SLC39A11: variants seen among roughly 807,000 people sequenced by gnomAD.
The protein encoded by SLC39A11 is zinc transporter ZIP11.
SLC39A11 carries 33 observed loss-of-function variants against 36.1 expected under a neutral mutation model. The ratio of observed to expected loss-of-function variants is 0.91; its 90% CI spans 0.69 to 1.22. The LOEUF (loss-of-function observed/expected upper bound fraction) is 1.22. Among genes scored for constraint, SLC39A11 ranks in the 50% most tolerant of loss-of-function variants. SLC39A11 has a pLI of 0.00. For synonymous variants in SLC39A11, 166 were observed against 170.3 expected (o/e 0.97, Z 0.20); for missense variants, 432 against 430.3 (o/e 1.00, Z -0.03).
At chr17:73,054,234 T>C (rs1223406507) in intron 3 of SLC39A11, among the ~76,000 whole-genome samples, 2 of 152,038 alleles carry the variant, frequency 1.3e-5, no homozygotes, top group African/African-American at 2.4e-5. Context: ...TGGTAGCGCA[T>C]GCCTGTAGTC....
intron 7 of SLC39A11, among the ~76,000 whole-genome samples, chr17:72,656,460 G>A (rs1202764805): frequency 6.6e-6 from 1 of 152,152 alleles, no homozygotes; most frequent in Admixed American, 6.5e-5. Flanking sequence ...GAAGGGCCAG[G>A]AGAGGGGCAT....
intron 7 of SLC39A11, among the ~76,000 whole-genome samples, 163 bp downstream of exon 7, chr17:72,736,487 C>A (rs1438624442): frequency 2.0e-5 from 3 of 152,198 alleles, no homozygotes. Context: ...ACTCCTCTCT[C>A]AGGGATGGCC....
chr17:72,845,611 A>G (rs1598968838), intron 6 of SLC39A11, among the ~76,000 whole-genome samples: 1 of 152,210 alleles, frequency 6.6e-6, no homozygotes, highest in Admixed American at 6.5e-5. Flanking sequence ...ACAATATAAA[A>G]TTCATTTATT....
chr17:72,890,485 G>C (rs990078771), intron 5 of SLC39A11, among the ~76,000 whole-genome samples: 2 of 152,166 alleles, frequency 1.3e-5, no homozygotes, highest in Admixed American at 1.3e-4. Context: ...AAATGATGCT[G>C]AGGTTCCTGG....
intron 4 of SLC39A11, among the ~76,000 whole-genome samples, chr17:72,949,410 C>T (rs905805322): frequency 6.6e-6 from 1 of 151,852 alleles, no homozygotes; most frequent in Non-Finnish European, 1.5e-5. Context: ...ATCCACCTGC[C>T]TCGGCCTCCC....
At chr17:73,002,007 C>G (rs1469847182) in intron 4 of SLC39A11, among the ~76,000 whole-genome samples, 2 of 152,134 alleles carry the variant, frequency 1.3e-5, no homozygotes, top group East Asian at 3.9e-4. Flanking sequence ...ACTGAAATAA[C>G]AACAGCATCA....
chr17:72,862,359 A>C (rs1291443350), intron 5 of SLC39A11, among the ~76,000 whole-genome samples: 2 of 152,210 alleles, frequency 1.3e-5, no homozygotes, highest in African/African-American at 4.8e-5. Context: ...GAAAAAAATA[A>C]ATCAGAAATC....
intron 3 of SLC39A11, among the ~76,000 whole-genome samples, chr17:73,079,564 C>T (rs1031275235): frequency 6.6e-6 from 1 of 152,164 alleles, no homozygotes; most frequent in Non-Finnish European, 1.5e-5. Flanking sequence ...AAGTTGAAAG[C>T]ATTCCCCCTG....
intron 5 of SLC39A11, among the ~76,000 whole-genome samples, chr17:72,901,330 T>C (rs928108799): frequency 2.0e-5 from 3 of 152,216 alleles, no homozygotes; most frequent in East Asian, 3.9e-4. Context: ...ATAGTCAGTG[T>C]GTGGCTCAGT....
At chr17:72,888,554 C>T (rs949567489) in intron 5 of SLC39A11, among the ~76,000 whole-genome samples, 2 of 152,138 alleles carry the variant, frequency 1.3e-5, no homozygotes, top group African/African-American at 4.8e-5. Context: ...TTCAGAGTCC[C>T]ATGCAACAAC....
chr17:72,989,759 A>T (rs1408964220), intron 4 of SLC39A11, among the ~76,000 whole-genome samples: 1 of 152,246 alleles, frequency 6.6e-6, no homozygotes, highest in Non-Finnish European at 1.5e-5. Flanking sequence ...TTGAAAATGA[A>T]ACAGATCATT....
chr17:72,829,337 G>C (rs937640762), intron 6 of SLC39A11, among the ~76,000 whole-genome samples: 5 of 147,088 alleles, frequency 3.4e-5, no homozygotes, highest in African/African-American at 1.3e-4. Flanking sequence ...GAGACAGAGC[G>C]AGCCTCTGTC....
intron 6 of SLC39A11, among the ~76,000 whole-genome samples, chr17:72,846,018 C>CTTTTTATTT (rs2079036367): frequency 1.7e-5 from 1 of 57,950 alleles, no homozygotes; most frequent in Non-Finnish European, 2.8e-5. Flanking sequence ...CTCTCTCTCT[C>CTTTTTATTT]TTTTTTTTTT....
chr17:72,713,626 T>TA (rs1027677496), intron 7 of SLC39A11, among the ~76,000 whole-genome samples: 10 of 151,870 alleles, frequency 6.6e-5, no homozygotes, highest in East Asian at 1.9e-4. Flanking sequence ...GCTGTACACA[T>TA]AAAAAAAACT....
At chr17:72,687,675 G>C (rs2071822730) in intron 7 of SLC39A11, among the ~76,000 whole-genome samples, 1 of 152,318 alleles carries the variant, frequency 6.6e-6, no homozygotes, top group South Asian at 2.1e-4. Context: ...GGGGCAAATA[G>C]ACTCCTGTGA....
chr17:72,669,767 G>T (rs920174438), intron 7 of SLC39A11, among the ~76,000 whole-genome samples: 2 of 152,020 alleles, frequency 1.3e-5, no homozygotes, highest in Non-Finnish European at 2.9e-5. Context: ...ACTGAGGGGG[G>T]CAGACTGCTT....
intron 5 of SLC39A11, among the ~76,000 whole-genome samples, chr17:72,911,649 C>T (rs1382494152): frequency 6.6e-6 from 1 of 152,092 alleles, no homozygotes; most frequent in African/African-American, 2.4e-5. Context: ...CTGAGCACAT[C>T]AAACAAAACC....
chr17:72,648,941 A>G lies in SLC39A11; in HGVS notation c.791T>C (p.Met264Thr), dbSNP rs776904543. ...AAAGACCCCGGCCAGGGGCTCCACCATGCCGCTCAGCTGCCCATACCTAAG... is the reference window on the plus strand; with the variant it reads ...AAAGACCCCGGCCAGGGGCTCCACCGTGCCGCTCAGCTGCCCATACCTAAG... ...RAFWYGQLSGMVEPLAGVFGA... is the reference protein window; with the variant it reads ...RAFWYGQLSGTVEPLAGVFGA... Residue 264 changes from methionine (M) to threonine (T), a missense_variant, in exon 9 of 10, where the codon ATG becomes ACG. By Grantham distance (81) the Met-to-Thr change is moderately conservative (BLOSUM62 -1). Coordinates refer to ENST00000255559, the MANE Select transcript of SLC39A11 (RefSeq NM_139177.4). 2 of 1,613,180 alleles carry G rather than the reference A, an allele frequency of 1.2e-6. No individual in the cohort carries two copies. The highest frequency in any genetic ancestry group is 1.1e-5 in the South Asian group (1 of 90,998).
At chr17:72,704,953 C>G (rs1014023439) in intron 7 of SLC39A11, among the ~76,000 whole-genome samples, 1 of 152,182 alleles carries the variant, frequency 6.6e-6, no homozygotes, top group South Asian at 2.1e-4. Context: ...GGGCTGGAGT[C>G]ATTAGCAGGA....
Sources: allele counts gnomAD v4.1 joint callset (sites outside exome capture counted in the v4.1 genomes callset), GRCh38; gene constraint gnomAD v4.1.1; transcripts MANE v1.5; gene names NCBI Gene and HGNC (gene_info 2026-07-23, HGNC 2026-07-21).